CMTM7: variants seen among roughly 807,000 people sequenced by gnomAD.
CMTM7 encodes CKLF like MARVEL transmembrane domain containing 7.
Under a neutral mutation model 19.3 loss-of-function variants are expected in CMTM7, and 7 were observed. The ratio of observed to expected loss-of-function variants is 0.36; its 90% CI spans 0.21 to 0.68. The LOEUF (loss-of-function observed/expected upper bound fraction) is 0.68, where lower values mean the gene tolerates loss of function less well. CMTM7 is among the 30% of genes least tolerant of loss of function. The pLI, the probability that CMTM7 is intolerant of heterozygous loss-of-function variation, is 0.60. For missense variants in CMTM7, 193 were observed against 232.6 expected (o/e 0.83, Z 1.11); for synonymous variants, 87 against 99.3 (o/e 0.88, Z 0.74).
chr3:32,444,690 T>C (rs548501051), intron 2 of CMTM7, among the ~76,000 whole-genome samples: 2 of 152,328 alleles, frequency 1.3e-5, no homozygotes, highest in African/African-American at 4.8e-5. Context: ...AGTTTTTCCA[T>C]TTTTTTAGAT....
intron 1 of CMTM7, among the ~76,000 whole-genome samples, chr3:32,440,348 G>A (rs1233722717): frequency 6.6e-6 from 1 of 152,002 alleles, no homozygotes; most frequent in African/African-American, 2.4e-5. Context: ...CAGAGTTGCA[G>A]TGAGCCAAGA....
chr3:32,443,667 G>A (rs1216279150), intron 2 of CMTM7, among the ~76,000 whole-genome samples: 1 of 152,148 alleles, frequency 6.6e-6, no homozygotes, highest in African/African-American at 2.4e-5. Context: ...GTGGCTCACT[G>A]TTTTACATTC....
rs1696890806 is a variant in CMTM7 at position 32,455,269 on chromosome 3, G to A, written c.*1015G>A. Reference sequence around the variant, plus strand: ...TACATTCACAACCACATCTAATAGCGATGGTAGTGACTGCAAGGGGGCAGG... The same window carrying A: ...TACATTCACAACCACATCTAATAGCAATGGTAGTGACTGCAAGGGGGCAGG... On this transcript the variant is annotated 3_prime_UTR_variant, in exon 5 of 5. Transcript: ENST00000334983. 6.6e-6 allele frequency: 1 copy of A among 152,218 alleles called. No individual in the cohort carries two copies. The highest frequency in any genetic ancestry group is 3.1e-3 in the Middle Eastern group (1 of 318). The allele number at this position is 152,218 out of a possible 1,614,324, so 9.4% of individuals were successfully genotyped here. A position where few individuals can be genotyped will look rare whatever the true frequency, so the allele number is the denominator to read the frequency against.
chr3:32,409,221 C>T (rs551405085), intron 1 of CMTM7, among the ~76,000 whole-genome samples: 2 of 152,228 alleles, frequency 1.3e-5, no homozygotes, highest in African/African-American at 4.8e-5. Context: ...TTTACAAAAA[C>T]TTTTGAAGAA....
intron 1 of CMTM7, among the ~76,000 whole-genome samples, chr3:32,419,879 A>G (rs886333576): frequency 1.3e-5 from 2 of 152,052 alleles, no homozygotes; most frequent in Non-Finnish European, 2.9e-5. Context: ...TCATGTATTC[A>G]TGGTCTAGTG....
chr3:32,449,525 C>A lies in CMTM7; in HGVS notation c.405C>A (p.Tyr135Ter). 6.2e-7 allele frequency: 1 copy of A among 1,614,036 alleles called. No individual in the cohort carries two copies. Among genetic ancestry groups the A allele is most frequent in the Middle Eastern group, 1.6e-4 (1 of 6,062 alleles). Residue 135 changes from tyrosine (Y) to a stop codon, truncating the protein, a stop_gained, in exon 3 of 5, where the codon TAC becomes TAA. Coordinates refer to ENST00000334983, the MANE Select transcript of CMTM7 (RefSeq NM_138410.4). LOFTEE classifies it high-confidence loss of function. The surrounding 1 kb of genome is among the most constrained non-coding windows in gnomAD (Gnocchi z 4.5). ...CCATTGTGGCAGCTTCCAAGAGTTA[C>A]AACCAGAGCGGACTGGTAGCCGGAG... is the stretch of plus-strand genomic sequence containing the variant. ...IASIVAASKS[Y>*]NQSGLVAGAI...
At chr3:32,433,776 T>G (rs347149) in intron 1 of CMTM7, among the ~76,000 whole-genome samples, 112,923 of 152,044 alleles carry the variant, frequency 0.74, 42,136 homozygotes, top group Non-Finnish European at 0.76. Context: ...AGTGTTGAAG[T>G]TGGCATTTCA....
intron 1 of CMTM7, among the ~76,000 whole-genome samples, chr3:32,436,340 A>G (rs1696597562): frequency 6.6e-6 from 1 of 152,188 alleles, no homozygotes; most frequent in Admixed American, 6.5e-5. Flanking sequence ...TGGTGACTTT[A>G]ACAGGGAGGC....
chr3:32,412,515 A>ACACG (rs1182794854), intron 1 of CMTM7, among the ~76,000 whole-genome samples: 1 of 68,474 alleles, frequency 1.5e-5, no homozygotes, highest in Non-Finnish European at 3.5e-5. Context: ...ACACACACAC[A>ACACG]CACACACACA....
intron 1 of CMTM7, among the ~76,000 whole-genome samples, chr3:32,431,969 A>T (rs1696526608): frequency 6.6e-6 from 1 of 152,078 alleles, no homozygotes. Context: ...CAGAGGAGAC[A>T]CCTCCTACCC....
At chr3:32,443,065 G>A (rs927287801) in intron 2 of CMTM7, among the ~76,000 whole-genome samples, 3 of 151,978 alleles carry the variant, frequency 2.0e-5, no homozygotes, top group Non-Finnish European at 4.4e-5. Flanking sequence ...TGTTTTCATG[G>A]TTCATCCATG....
intron 2 of CMTM7, among the ~76,000 whole-genome samples, chr3:32,448,039 T>C (rs1411552226): frequency 2.0e-5 from 3 of 152,290 alleles, no homozygotes; most frequent in South Asian, 2.1e-4. Flanking sequence ...GCTTACCTGA[T>C]GCAGATACTG....
intron 1 of CMTM7, among the ~76,000 whole-genome samples, chr3:32,399,737 A>G (rs1575107771): frequency 6.6e-6 from 1 of 152,170 alleles, no homozygotes; most frequent in African/African-American, 2.4e-5. Flanking sequence ...CCCATGTCCT[A>G]CTTCCTGGAA....
At chr3:32,441,403 T>C (rs1696673472) in intron 1 of CMTM7, among the ~76,000 whole-genome samples, 1 of 152,226 alleles carries the variant, frequency 6.6e-6, no homozygotes, top group Non-Finnish European at 1.5e-5. Flanking sequence ...AATTACCATC[T>C]TTGTAGGTCA....
Position 32,449,603 on chromosome 3 carries a change from C to A in CMTM7, c.432+51C>A, listed in dbSNP as rs1055953649. ...GGAATGAATTCTTATTTAAAATGCT[C>A]ATTTTCTTCCTGATGGGGGAAGAGA... On this transcript the variant is annotated intron_variant, in intron 3 of 4. Coordinates refer to ENST00000334983, the MANE Select transcript of CMTM7 (RefSeq NM_138410.4). This position sits in a 1 kb window ranked among gnomAD's most constrained non-coding sequence, Gnocchi z 4.5. The A allele has an allele frequency of 7.3e-7, 1 of 1,375,742 alleles. No homozygotes were observed. Among genetic ancestry groups the A allele is most frequent in the Non-Finnish European group, 1.0e-6 (1 of 962,680 alleles). The allele number at this position is 1,375,742 out of a possible 1,614,324, so 85.2% of individuals were successfully genotyped here.
intron 1 of CMTM7, among the ~76,000 whole-genome samples, chr3:32,427,833 C>T (rs956016139): frequency 9.2e-5 from 14 of 152,288 alleles, no homozygotes; most frequent in South Asian, 4.1e-4. Flanking sequence ...TATTCCTTGG[C>T]GTGATCTGTG....
intron 1 of CMTM7, 113 bp downstream of exon 1, chr3:32,392,178 C>T (rs1695845927): frequency 3.6e-6 from 3 of 839,092 alleles, no homozygotes; most frequent in Admixed American, 8.7e-5. Flanking sequence ...GGGAGCATCG[C>T]GCAGCGGGCG....
intron 1 of CMTM7, among the ~76,000 whole-genome samples, chr3:32,395,455 A>G (rs1010216392): frequency 6.6e-6 from 1 of 152,252 alleles, no homozygotes; most frequent in African/African-American, 2.4e-5. Flanking sequence ...CTAAAGAGTT[A>G]AAGAGACACT....
At chr3:32,433,145 GT>G (rs1441073783) in intron 1 of CMTM7, among the ~76,000 whole-genome samples, 5 of 152,228 alleles carry the variant, frequency 3.3e-5, no homozygotes, top group Non-Finnish European at 7.3e-5. Flanking sequence ...TGTGATTTCA[GT>G]TCAGTTCAAC....
Sources: allele counts gnomAD v4.1 joint callset (sites outside exome capture counted in the v4.1 genomes callset), GRCh38; gene constraint gnomAD v4.1.1; non-coding constraint Gnocchi (gnomAD v3.1); transcripts MANE v1.5; gene names NCBI Gene and HGNC (gene_info 2026-07-23, HGNC 2026-07-21).